The following SLC45A3 variants were observed in gnomAD, a reference collection of about 807,000 sequenced individuals.
SLC45A3 encodes prostate cancer associated protein 2.
SLC45A3 carries 17 observed loss-of-function variants against 35.3 expected under a neutral mutation model. The observed-to-expected ratio is 0.48, with a 90% CI of 0.33 to 0.72. The LOEUF is 0.72. SLC45A3 is among the 30% of genes least tolerant of loss of function. The pLI, the probability that SLC45A3 is intolerant of heterozygous loss-of-function variation, is 0.02. For missense variants in SLC45A3, 597 were observed against 731.7 expected (o/e 0.82, Z 2.12); for synonymous variants, 288 against 334.3 (o/e 0.86, Z 1.51).
In SLC45A3 at chr1:205,669,276, T is replaced by G. The variant is rs1184852850; in HGVS notation, c.-230-4390A>C. ...TTCAGACCAGACCCCAAAAAGGGAG[T>G]TTTGGGGGAAATGAAACTGAGCAAC... On this transcript the variant is annotated intron_variant, in intron 1 of 4. Transcript: ENST00000367145. The surrounding 1 kb of genome is among the most constrained non-coding windows in gnomAD (Gnocchi z 4.1). Among the ~76,000 whole-genome samples the G allele has an allele frequency of 6.7e-6, 1 of 150,114 alleles. No individual in the cohort carries two copies. Among genetic ancestry groups the G allele is most frequent in the Non-Finnish European group, 1.5e-5 (1 of 67,500 alleles).
chr1:205,679,964 G>A lies in SLC45A3; in HGVS notation c.-231+430C>T, dbSNP rs192660356. Among the ~76,000 whole-genome samples, 676 of 151,758 alleles carry A rather than the reference G, an allele frequency of 4.5e-3. 2 individuals are homozygous for A. The highest frequency in any genetic ancestry group is 0.015 in the African/African-American group (633 of 41,450). On this transcript the variant is annotated intron_variant, in intron 1 of 4. Transcript: ENST00000367145. ...GCCCAGACAAGAGAAGAAAATAAAC[G>A]CAACTTTCCAAAGAAAAGTCTGACA...
chr1:205,671,601 G>A (rs1372126139), intron 1 of SLC45A3, among the ~76,000 whole-genome samples: 1 of 152,214 alleles, frequency 6.6e-6, no homozygotes, highest in Non-Finnish European at 1.5e-5. Flanking sequence ...GCTCACGCCT[G>A]TAATCCCAGC....
chr1:205,659,127 G>T lies in SLC45A3; in HGVS notation c.*107C>A. ...GGCAGCAGAGAGCCACATTACTTTG[G>T]CAGCAACAGAAACTGGCGGCCAGCC... On this transcript the variant is annotated 3_prime_UTR_variant, in exon 5 of 5. Transcript: ENST00000367145. This position sits in a 1 kb window ranked among gnomAD's most constrained non-coding sequence, Gnocchi z 5.8. 1 of 1,185,344 alleles carries T rather than the reference G, an allele frequency of 8.4e-7. No homozygotes were observed. Among genetic ancestry groups the T allele is most frequent in the Non-Finnish European group, 1.2e-6 (1 of 838,684 alleles). 73.4% of individuals were successfully genotyped at this position (1,185,344 alleles called of 1,614,324 possible).
chr1:205,680,446 GC>G lies in SLC45A3; in HGVS notation c.-284del, dbSNP rs959637461. 2.6e-5 allele frequency: 4 copies of G among 152,494 alleles called. No individual in the cohort carries two copies. Among genetic ancestry groups the G allele is most frequent in the East Asian group, 1.9e-4 (1 of 5,196 alleles). 9.4% of individuals were successfully genotyped at this position (152,494 alleles called of 1,614,324 possible). A position where few individuals can be genotyped will look rare whatever the true frequency, so the allele number is the denominator to read the frequency against. On this transcript the variant is annotated 5_prime_UTR_variant, in exon 1 of 5. Transcript: ENST00000367145. Reference sequence around the variant, plus strand: ...GAGCCAGCGCGTGCAGGCTGGTTCCGCCCCCCCTTCCTTGCCCCCCACGCGC... The same window carrying G: ...GAGCCAGCGCGTGCAGGCTGGTTCCGCCCCCCTTCCTTGCCCCCCACGCGC...
At chr1:205,677,920 A>G (rs947607140) in intron 1 of SLC45A3, among the ~76,000 whole-genome samples, 1 of 148,244 alleles carries the variant, frequency 6.7e-6, no homozygotes, top group East Asian at 1.9e-4. Flanking sequence ...CTATACAGTA[A>G]GTATTATCAT....
chr1:205,675,943 G>A (rs902622287), intron 1 of SLC45A3, among the ~76,000 whole-genome samples: 1 of 152,156 alleles, frequency 6.6e-6, no homozygotes, highest in African/African-American at 2.4e-5. Flanking sequence ...TTCCCCCACT[G>A]CCATCCTCCC....
rs1026484975 is a variant in SLC45A3, at chr1:205,662,773, C to T, written c.958+60G>A. On this transcript the variant is annotated intron_variant, in intron 3 of 4. Transcript: ENST00000367145. This position sits in a 1 kb window ranked among gnomAD's most constrained non-coding sequence, Gnocchi z 6.2. ...AGAGGCACCAGCCCAGACACAGCCCCGAGTGTCGTCTCTGGTGGGCGGCTC... is the reference window on the plus strand; with the variant it reads ...AGAGGCACCAGCCCAGACACAGCCCTGAGTGTCGTCTCTGGTGGGCGGCTC... 18 of 1,518,876 alleles carry T rather than the reference C, an allele frequency of 1.2e-5. No homozygotes were observed. The East Asian group carries it at 1.6e-4, about 13-fold the overall frequency. 94.1% of individuals were successfully genotyped at this position (1,518,876 alleles called of 1,614,324 possible). A position where few individuals can be genotyped will look rare whatever the true frequency, so the allele number is the denominator to read the frequency against.
chr1:205,679,035 C>T (rs1406410506), intron 1 of SLC45A3, among the ~76,000 whole-genome samples: 2 of 152,114 alleles, frequency 1.3e-5, no homozygotes, highest in Non-Finnish European at 2.9e-5. Flanking sequence ...AGGAGATCTG[C>T]TAAGTGCCTC....
rs371222405 is a variant in SLC45A3, at chr1:205,662,453, T to C, written c.959-327A>G. On this transcript the variant is annotated intron_variant, in intron 3 of 4. Transcript: ENST00000367145. The surrounding 1 kb of genome is among the most constrained non-coding windows in gnomAD (Gnocchi z 6.2). Reference sequence around the variant, plus strand: ...GGCTTCAAGACGCTTCTAGGACGCCTGAGCTGGAAGGCGCTGGTGAGATTA... The same window carrying C: ...GGCTTCAAGACGCTTCTAGGACGCCCGAGCTGGAAGGCGCTGGTGAGATTA... The C allele has an allele frequency of 2.5e-5, 33 of 1,302,170 alleles. No homozygotes were observed. The East Asian group carries it at 6.2e-4, about 24-fold the overall frequency. 80.7% of individuals were successfully genotyped at this position (1,302,170 alleles called of 1,614,324 possible). A position where few individuals can be genotyped will look rare whatever the true frequency, so the allele number is the denominator to read the frequency against.
chr1:205,679,782 C>G (rs1671372577), intron 1 of SLC45A3, among the ~76,000 whole-genome samples: 2 of 151,658 alleles, frequency 1.3e-5, no homozygotes, highest in Admixed American at 1.3e-4. Context: ...CAAGAGGGCT[C>G]AGTCCCCTTT....
At chr1:205,680,111 G>T (rs1450331548) in intron 1 of SLC45A3, among the ~76,000 whole-genome samples, 1 of 151,002 alleles carries the variant, frequency 6.6e-6, no homozygotes, top group African/African-American at 2.4e-5. Flanking sequence ...GCCTGGGACA[G>T]CGCGGGCACC....
rs1023644413 is a variant in SLC45A3 at position 205,659,592 on chromosome 1, G to A, written c.1304C>T (p.Pro435Leu). ...ATTAGGGAAGGGAGCTCCAGGCTTA[G>A]GGCCTGGCAGGAAGCTGGTCATCAG... ...DSLMTSFLPGPKPGAPFPNGH... is the reference protein window; with the variant it reads ...DSLMTSFLPGLKPGAPFPNGH... The change falls in exon 5 of 5, where the codon CCT (proline) becomes CTT (leucine). Residue 435 changes from proline (P) to leucine (L), a missense_variant. By Grantham distance (98) the Pro-to-Leu change is moderately conservative. Around this residue, in one of 3 missense-constraint regions of SLC45A3, gnomAD observed 555 missense variants for 664.9 expected, o/e 0.83. Coordinates refer to ENST00000367145, the MANE Select transcript of SLC45A3 (RefSeq NM_033102.3). This position sits in a 1 kb window ranked among gnomAD's most constrained non-coding sequence, Gnocchi z 5.8. 4 of 1,569,538 alleles carry A rather than the reference G, an allele frequency of 2.5e-6. No homozygotes were observed. The highest frequency in any genetic ancestry group is 3.5e-6 in the Non-Finnish European group (4 of 1,159,400).
chr1:205,665,528 G>A (rs143767228), intron 1 of SLC45A3, among the ~76,000 whole-genome samples: 2 of 152,260 alleles, frequency 1.3e-5, no homozygotes, highest in East Asian at 3.9e-4. Flanking sequence ...TCAAGGGGAA[G>A]AAACAATCCC....
At chr1:205,665,957 G>A (rs1022686482) in intron 1 of SLC45A3, among the ~76,000 whole-genome samples, 5 of 152,030 alleles carry the variant, frequency 3.3e-5, no homozygotes, top group Non-Finnish European at 5.9e-5. Flanking sequence ...CAAGGCAGGC[G>A]GATCACTTGA....
In SLC45A3 at chr1:205,659,211, C is replaced by T. The variant is rs374382391; in HGVS notation, c.*23G>A. On this transcript the variant is annotated 3_prime_UTR_variant, in exon 5 of 5. Coordinates refer to ENST00000367145, the MANE Select transcript of SLC45A3 (RefSeq NM_033102.3). This position sits in a 1 kb window ranked among gnomAD's most constrained non-coding sequence, Gnocchi z 5.8. ...CTGGGACCCAGTGAGGCAGGCCCTC[C>T]ACCCCAATGTGCTGGAAGTTTTCTA... 6.3e-7 allele frequency: 1 copy of T among 1,580,170 alleles called. No homozygotes were observed. The highest frequency in any genetic ancestry group is 8.6e-7 in the Non-Finnish European group (1 of 1,160,628).
At chr1:205,667,060 G>A (rs1671130761) in intron 1 of SLC45A3, among the ~76,000 whole-genome samples, 1 of 152,178 alleles carries the variant, frequency 6.6e-6, no homozygotes, top group African/African-American at 2.4e-5. Flanking sequence ...AGTCCTGGCT[G>A]CTCCCTATTG....
Position 205,659,458 on chromosome 1 carries a change from C to T in SLC45A3, c.1438G>A (p.Ala480Thr), listed in dbSNP as rs1214938213. The T allele has an allele frequency of 1.3e-5, 21 of 1,614,070 alleles. No individual in the cohort carries two copies. The highest frequency in any genetic ancestry group is 1.7e-5 in the Non-Finnish European group (20 of 1,179,988). Reference sequence around the variant, plus strand: ...ATGCCCCGGCCCGGAACCACCCTGGCCTCGGTGGGCTCACCCACCACCACA... The same window carrying T: ...ATGCCCCGGCCCGGAACCACCCTGGTCTCGGTGGGCTCACCCACCACCACA... ...VRVVVGEPTE[A>T]RVVPGRGICL... The change falls in exon 5 of 5, where the codon GCC becomes ACC. Residue 480 changes from alanine to threonine, a missense_variant. Ala to Thr is a moderately conservative substitution (Grantham distance 58, BLOSUM62 0). Around this residue, in one of 3 missense-constraint regions of SLC45A3, gnomAD observed 555 missense variants for 664.9 expected, o/e 0.83. Coordinates refer to ENST00000367145, the MANE Select transcript of SLC45A3 (RefSeq NM_033102.3). The surrounding 1 kb of genome is among the most constrained non-coding windows in gnomAD (Gnocchi z 5.8).
In SLC45A3 at chr1:205,659,158, G is replaced by A; in HGVS notation, c.*76C>T. 1 of 1,462,302 alleles carries A rather than the reference G, an allele frequency of 6.8e-7. No homozygotes were observed. The highest frequency in any genetic ancestry group is 9.3e-7 in the Non-Finnish European group (1 of 1,080,674). 90.6% of individuals were successfully genotyped at this position (1,462,302 alleles called of 1,614,324 possible). ...ACAGAAACTGGCGGCCAGCCCGGCAGCCCCATGGGGCTAACAGGAGCGGGG... is the reference window on the plus strand; with the variant it reads ...ACAGAAACTGGCGGCCAGCCCGGCAACCCCATGGGGCTAACAGGAGCGGGG... On this transcript the variant is annotated 3_prime_UTR_variant, in exon 5 of 5. Transcript: ENST00000367145. The surrounding 1 kb of genome is among the most constrained non-coding windows in gnomAD (Gnocchi z 5.8).
intron 1 of SLC45A3, among the ~76,000 whole-genome samples, chr1:205,676,123 A>G (rs898468012): frequency 2.6e-5 from 4 of 152,176 alleles, no homozygotes; most frequent in African/African-American, 4.8e-5. Flanking sequence ...TGCTCCGCTC[A>G]CTAAGGACAG....
Sources: gnomAD v4.1 joint callset for allele counts (sites outside exome capture counted in the v4.1 genomes callset) on GRCh38, gnomAD v4.1.1 for gene constraint, gnomAD v4.1.1 regional missense constraint, Gnocchi (gnomAD v3.1) non-coding constraint, MANE v1.5 for transcripts, NCBI Gene and HGNC (gene_info 2026-07-23, HGNC 2026-07-21) for gene names.